CNTRL: variants seen among roughly 807,000 people sequenced by gnomAD.
CNTRL encodes 110 kDa centrosomal protein.
CNTRL carries 233 observed loss-of-function variants against 303.7 expected under a neutral mutation model. The ratio of observed to expected loss-of-function variants is 0.77; its 90% confidence interval spans 0.69 to 0.86. CNTRL has a LOEUF of 0.86. Ranked by LOEUF, CNTRL falls within the 40% of genes least tolerant of loss-of-function variation. The pLI is 0.00. For synonymous variants in CNTRL, 900 were observed against 922.2 expected (o/e 0.98, Z 0.44); for missense variants, 2,524 against 2,650.6 (o/e 0.95, Z 1.05).
At chr9:121,127,980 T>G (rs1437503738) in intron 14 of CNTRL, among the ~76,000 whole-genome samples, 2 of 152,180 alleles carry the variant, frequency 1.3e-5, no homozygotes, top group Non-Finnish European at 2.9e-5. Flanking sequence ...GAACTCATCC[T>G]TTTTTATGGC....
chr9:121,152,427 AAG>A, intron 25 of CNTRL, 56 bp from the exon 26 acceptor site: 8 of 1,402,838 alleles, frequency 5.7e-6, no homozygotes, highest in Non-Finnish European at 8.0e-6. Context: ...TTTGGCAGGA[AAG>A]AGAGGAAACA....
chr9:121,098,689 G>A (rs1173593152), intron 7 of CNTRL, 117 bp downstream of exon 7: 3 of 717,186 alleles, frequency 4.2e-6, no homozygotes, highest in Non-Finnish European at 6.7e-6. Context: ...ATGGGAAATG[G>A]CAGCATAAAT....
chr9:121,098,544 A>T lies in CNTRL; in HGVS notation c.780A>T (p.Arg260Ser). 1 of 1,606,020 alleles carries T rather than the reference A, an allele frequency of 6.2e-7. No homozygotes were observed. The highest frequency in any genetic ancestry group is 2.2e-5 in the East Asian group (1 of 44,806). Reference sequence around the variant, plus strand: ...GTCAGCCAGTAACCACTCAGGATAGACAGGAGGCTTTTGAGAGATTCAGTT... The same window carrying T: ...GTCAGCCAGTAACCACTCAGGATAGTCAGGAGGCTTTTGAGAGATTCAGTT... ...LEGQPVTTQD[R>S]QEAFERFSLE... The change falls in exon 7 of 44, where the codon AGA (arginine) becomes AGT (serine). Residue 260 changes from arginine to serine, a missense_variant. By Grantham distance (110) the Arg-to-Ser change is moderately radical (BLOSUM62 -1). Coordinates refer to ENST00000373855, the MANE Select transcript of CNTRL (RefSeq NM_007018.6).
intron 25 of CNTRL, among the ~76,000 whole-genome samples, chr9:121,150,980 A>G: frequency 6.6e-6 from 1 of 152,352 alleles, no homozygotes; most frequent in Middle Eastern, 3.4e-3. Flanking sequence ...ATGAGTGTAT[A>G]CACATGTATG....
At position 121,141,467 on chromosome 9, in the gene CNTRL, A is replaced by G; in HGVS notation, c.2570A>G (p.Glu857Gly). The G allele has an allele frequency of 3.7e-6, 6 of 1,614,024 alleles. No individual in the cohort carries two copies. The highest frequency in any genetic ancestry group is 5.1e-6 in the Non-Finnish European group (6 of 1,179,946). Residue 857 changes from glutamate (E) to glycine (G), a missense_variant, in exon 18 of 44, where the codon GAA becomes GGA. Physicochemically the swap from Glu to Gly is moderately conservative, Grantham distance 98. Coordinates refer to ENST00000373855, the MANE Select transcript of CNTRL (RefSeq NM_007018.6). ...GAAATTCTTGCACGCTCCAAGTGGGAAAGAGATGAAGCACAAGTTAGAGAG... is the reference window on the plus strand; with the variant it reads ...GAAATTCTTGCACGCTCCAAGTGGGGAAGAGATGAAGCACAAGTTAGAGAG... ...FSEILARSKWERDEAQVRERK... is the reference protein window; with the variant it reads ...FSEILARSKWGRDEAQVRERK...
rs777877934 is a variant in CNTRL at position 121,115,201 on chromosome 9, G to A, written c.1455+1G>A. On this transcript the variant is annotated splice_donor_variant, in intron 11 of 43. Coordinates refer to ENST00000373855, the MANE Select transcript of CNTRL (RefSeq NM_007018.6). LOFTEE classifies it high-confidence loss of function. ...GGAAGAAGCTATACAACTAAAAAAG[G>A]TATGTAAAAGCAAAGCAGCAATGCT... 23 of 1,492,762 alleles carry A rather than the reference G, an allele frequency of 1.5e-5. No homozygotes were observed. In the Middle Eastern group the frequency reaches 5.2e-4, roughly 33 times the overall value. 92.5% of individuals were successfully genotyped at this position (1,492,762 alleles called of 1,614,324 possible).
At chr9:121,157,918 C>G (rs577182013) in intron 29 of CNTRL, 38 bp downstream of exon 29, 3 of 1,613,590 alleles carry the variant, frequency 1.9e-6, no homozygotes, top group African/African-American at 1.3e-5. Context: ...GGGGTTTGTG[C>G]TGGAAGACAG....
At chr9:121,153,912 G>A (rs2052423664) in intron 26 of CNTRL, among the ~76,000 whole-genome samples, 1 of 152,198 alleles carries the variant, frequency 6.6e-6, no homozygotes, top group Non-Finnish European at 1.5e-5. Context: ...ATGTTTGAAG[G>A]TTAGGCAGAT....
In CNTRL at chr9:121,144,825, A is replaced by G. The variant is rs2051740168; in HGVS notation, c.3052-18A>G. ...CTGTGATAGCAGTGGTGCCTTTCTC[A>G]TACTTCTGTCCCAGTAGGAGTTGCA... is the stretch of plus-strand genomic sequence containing the variant. On this transcript the variant is annotated intron_variant, in intron 20 of 43. Coordinates refer to ENST00000373855, the MANE Select transcript of CNTRL (RefSeq NM_007018.6). 6.3e-7 allele frequency: 1 copy of G among 1,594,458 alleles called. No homozygotes were observed. Among genetic ancestry groups the G allele is most frequent in the Non-Finnish European group, 8.6e-7 (1 of 1,163,330 alleles).
chr9:121,082,620 T>TTA (rs2048182972), intron 2 of CNTRL, among the ~76,000 whole-genome samples: 1 of 152,220 alleles, frequency 6.6e-6, no homozygotes, highest in Non-Finnish European at 1.5e-5. Context: ...GTACAGCATG[T>TTA]TACTGTACTG....
chr9:121,102,945 A>G (rs189599823), intron 7 of CNTRL, among the ~76,000 whole-genome samples: 426 of 152,352 alleles, frequency 2.8e-3, no homozygotes, highest in Non-Finnish European at 5.1e-3. Flanking sequence ...GATAGGAAGA[A>G]TCAATATCAT....
chr9:121,106,793 T>C (rs535858360), intron 7 of CNTRL, among the ~76,000 whole-genome samples: 1 of 152,308 alleles, frequency 6.6e-6, no homozygotes, highest in Admixed American at 6.5e-5. Flanking sequence ...GGAATCTCCC[T>C]AACTCAATAT....
chr9:121,095,097 T>C, intron 5 of CNTRL, 79 bp downstream of exon 5: 3 of 1,056,312 alleles, frequency 2.8e-6, no homozygotes, highest in Non-Finnish European at 4.1e-6. Context: ...TCCACATTAC[T>C]GAAAGAATGA....
intron 7 of CNTRL, among the ~76,000 whole-genome samples, chr9:121,106,929 A>G (rs903456905): frequency 2.6e-5 from 4 of 152,198 alleles, no homozygotes; most frequent in African/African-American, 9.7e-5. Context: ...TCAGATATTA[A>G]TTAGGAGACT....
chr9:121,158,720 C>A, intron 30 of CNTRL, 135 bp from the exon 31 acceptor site: 1 of 832,720 alleles, frequency 1.2e-6, no homozygotes, highest in Non-Finnish European at 1.9e-6. Flanking sequence ...CCTTGCACTC[C>A]TTGCCTGGCT....
intron 4 of CNTRL, among the ~76,000 whole-genome samples, chr9:121,093,202 TG>T (rs747568155): frequency 2.6e-5 from 4 of 152,170 alleles, no homozygotes; most frequent in Non-Finnish European, 5.9e-5. Flanking sequence ...GAACAGCTCC[TG>T]GCCCATAATC....
intron 23 of CNTRL, 74 bp from the exon 24 acceptor site, chr9:121,148,598 G>A (rs2052018629): frequency 5.1e-6 from 7 of 1,385,536 alleles, no homozygotes; most frequent in Non-Finnish European, 6.9e-6. Flanking sequence ...CAACTTTGCT[G>A]TAGACTTTGA....
intron 1 of CNTRL, among the ~76,000 whole-genome samples, chr9:121,077,960 C>T (rs762744820): frequency 2.0e-5 from 3 of 151,466 alleles, no homozygotes; most frequent in Non-Finnish European, 2.9e-5. Context: ...GGGAAAAAAA[C>T]GCCAACTACG....
rs144014418 is a variant in CNTRL, at chr9:121,124,518, A to G, written c.1804+434A>G. 5.1e-3 allele frequency among the ~76,000 whole-genome samples: 781 copies of G among 152,322 alleles called. 10 individuals carry two copies. Among genetic ancestry groups the G allele is most frequent in the Non-Finnish European group, 8.4e-3 (571 of 68,024 alleles). ...TAGTGGAAAAGGAAGACAATAGGCCATAGTGGTTTTTACACATAGGGCTCA... is the reference window on the plus strand; with the variant it reads ...TAGTGGAAAAGGAAGACAATAGGCCGTAGTGGTTTTTACACATAGGGCTCA... On this transcript the variant is annotated intron_variant, in intron 13 of 43. Transcript: ENST00000373855.
Sources: allele counts gnomAD v4.1 joint callset (sites outside exome capture counted in the v4.1 genomes callset), GRCh38; gene constraint gnomAD v4.1.1; transcripts MANE v1.5; gene names NCBI Gene and HGNC (gene_info 2026-07-23, HGNC 2026-07-21).